Variants in DSCAML1 observed in about 807,000 individuals in gnomAD.
The protein encoded by DSCAML1 is cell adhesion molecule DSCAML1.
DSCAML1 carries 38 observed loss-of-function variants against 200.5 expected under a neutral mutation model. The ratio of observed to expected loss-of-function variants is 0.19; its 90% CI spans 0.15 to 0.25. DSCAML1 has a LOEUF of 0.25. Ranked by LOEUF, DSCAML1 falls within the 10% of genes least tolerant of loss-of-function variation. The pLI is 1.00. For synonymous variants in DSCAML1, 1,215 were observed against 1,165.0 expected (o/e 1.04, Z -0.87); for missense variants, 2,223 against 2,858.8 (o/e 0.78, Z 5.07).
At chr11:117,791,423 G>A (rs12795949) in intron 1 of DSCAML1, among the ~76,000 whole-genome samples, 23,588 of 152,240 alleles carry the variant, frequency 0.15, 2,009 homozygotes, top group Middle Eastern at 0.26. Context: ...AGGCTTTATG[G>A]CATGAACTCC....
chr11:117,459,217 G>GGC (rs2048431809), intron 18 of DSCAML1, among the ~76,000 whole-genome samples: 1 of 152,236 alleles, frequency 6.6e-6, no homozygotes, highest in African/African-American at 2.4e-5. Flanking sequence ...CATCTCTCCA[G>GGC]GCAACATTTC....
At chr11:117,769,515 TATA>T (rs2054995381) in intron 3 of DSCAML1, among the ~76,000 whole-genome samples, 1 of 83,164 alleles carries the variant, frequency 1.2e-5, no homozygotes, top group South Asian at 2.8e-4. Context: ...ATATTTTATA[TATA>T]TTATATATAT....
intron 1 of DSCAML1, among the ~76,000 whole-genome samples, chr11:117,792,549 T>C (rs2055489863): frequency 6.6e-6 from 1 of 150,712 alleles, no homozygotes; most frequent in South Asian, 2.1e-4. Context: ...AAGCTGGTGC[T>C]ATATCTTTCA....
At chr11:117,796,338 G>C (rs904967580) in intron 1 of DSCAML1, among the ~76,000 whole-genome samples, 2 of 152,262 alleles carry the variant, frequency 1.3e-5, no homozygotes, top group Non-Finnish European at 2.9e-5. Flanking sequence ...TCGCATCTTG[G>C]GGCGCGCTGC....
At chr11:117,583,632 C>G (rs1032082720) in intron 3 of DSCAML1, among the ~76,000 whole-genome samples, 4 of 152,214 alleles carry the variant, frequency 2.6e-5, no homozygotes, top group Admixed American at 2.6e-4. Flanking sequence ...GCCCTCCCCC[C>G]ATCAGCCCCG....
chr11:117,453,492 A>G (rs2048318281), intron 19 of DSCAML1, among the ~76,000 whole-genome samples: 1 of 152,188 alleles, frequency 6.6e-6, no homozygotes, highest in African/African-American at 2.4e-5. Flanking sequence ...CATCTTAATC[A>G]TGAAGAATAG....
Position 117,505,802 on chromosome 11 carries a change from C to T in DSCAML1, c.1784-70G>A, listed in dbSNP as rs2049485243. The T allele has an allele frequency of 6.5e-7, 1 of 1,528,918 alleles. No homozygotes were observed. 94.7% of individuals were successfully genotyped at this position (1,528,918 alleles called of 1,614,324 possible). On this transcript the variant is annotated intron_variant, in intron 8 of 32. Transcript: ENST00000651296. The surrounding 1 kb of genome is among the most constrained non-coding windows in gnomAD (Gnocchi z 6.7). ...CACCTGGCCGCCAACGCCGCCTCAC[C>T]TGCCTTACCTGGGGCTCTGGGTTGG...
intron 1 of DSCAML1, among the ~76,000 whole-genome samples, chr11:117,788,801 T>C (rs902721971): frequency 5.3e-5 from 8 of 152,230 alleles, no homozygotes; most frequent in Non-Finnish European, 1.0e-4. Flanking sequence ...GTTGCACAGT[T>C]CGCAGTGGCA....
chr11:117,543,833 G>A (rs2050319192), intron 3 of DSCAML1, among the ~76,000 whole-genome samples: 1 of 151,254 alleles, frequency 6.6e-6, no homozygotes, highest in Admixed American at 6.6e-5. Context: ...TTTTTTTAAA[G>A]ATCTTAATAC....
At chr11:117,746,204 AGAGC>A (rs2054514968) in intron 3 of DSCAML1, among the ~76,000 whole-genome samples, 1 of 129,066 alleles carries the variant, frequency 7.7e-6, no homozygotes, top group Non-Finnish European at 1.6e-5. Context: ...CCTGGGCATC[AGAGC>A]GAGACTCTGT....
intron 3 of DSCAML1, among the ~76,000 whole-genome samples, chr11:117,714,036 T>A (rs1427971870): frequency 1.3e-5 from 2 of 152,184 alleles, no homozygotes; most frequent in Non-Finnish European, 2.9e-5. Flanking sequence ...CTGGGCAAAT[T>A]AGTCAATCTT....
chr11:117,486,210 CCAAAATGGCGGATGG>C lies in DSCAML1; in HGVS notation c.2360-4063_2360-4049del, dbSNP rs1308189193. 2.0e-5 allele frequency among the ~76,000 whole-genome samples: 3 copies of C among 151,358 alleles called. 1 individual carries two copies. Among genetic ancestry groups the C allele is most frequent in the South Asian group, 4.1e-4 (2 of 4,824 alleles). On this transcript the variant is annotated intron_variant, in intron 11 of 32. Transcript: ENST00000651296. Reference sequence around the variant, plus strand: ...TAGCTAAACTGGGTCTGCTGAACTCCCAAAATGGCGGATGGGAAAGTGGCGGATGGGAAAGTGGCG... The same window carrying C: ...TAGCTAAACTGGGTCTGCTGAACTCCGAAAGTGGCGGATGGGAAAGTGGCG...
chr11:117,773,562 C>CAG (rs2055077921), intron 3 of DSCAML1, among the ~76,000 whole-genome samples: 1 of 149,076 alleles, frequency 6.7e-6, no homozygotes, highest in Non-Finnish European at 1.5e-5. Flanking sequence ...CACACACACA[C>CAG]AGCACAGCAC....
At chr11:117,658,373 T>G (rs898152587) in intron 3 of DSCAML1, among the ~76,000 whole-genome samples, 2 of 152,150 alleles carry the variant, frequency 1.3e-5, no homozygotes, top group Non-Finnish European at 2.9e-5. Context: ...ATCCACTTCT[T>G]TGGGACGATG....
At chr11:117,639,315 G>A (rs1192606858) in intron 3 of DSCAML1, among the ~76,000 whole-genome samples, 1 of 148,196 alleles carries the variant, frequency 6.7e-6, no homozygotes, top group Non-Finnish European at 1.5e-5. Context: ...TGGATGGGTA[G>A]GAGGCTGGAT....
At chr11:117,649,393 C>G (rs189796771) in intron 3 of DSCAML1, among the ~76,000 whole-genome samples, 88 of 152,204 alleles carry the variant, frequency 5.8e-4, no homozygotes, top group African/African-American at 2.0e-3. Flanking sequence ...TTTGCAGGCC[C>G]AAAGAGAAAG....
intron 3 of DSCAML1, among the ~76,000 whole-genome samples, chr11:117,609,349 C>T (rs1046983221): frequency 5.3e-5 from 8 of 149,926 alleles, no homozygotes; most frequent in African/African-American, 2.0e-4. Flanking sequence ...ACTTTGTTAC[C>T]CAGGCTGGAG....
At chr11:117,764,574 G>T (rs2054859347) in intron 3 of DSCAML1, among the ~76,000 whole-genome samples, 1 of 152,184 alleles carries the variant, frequency 6.6e-6, no homozygotes, top group Non-Finnish European at 1.5e-5. Context: ...ACGGATTGTT[G>T]CTTATGCCAA....
At chr11:117,602,746 C>T (rs1221036876) in intron 3 of DSCAML1, among the ~76,000 whole-genome samples, 1 of 152,112 alleles carries the variant, frequency 6.6e-6, no homozygotes, top group African/African-American at 2.4e-5. Context: ...TGATTGGTTG[C>T]CAGCCCCTCC....
Sources: gnomAD v4.1 joint callset for allele counts (sites outside exome capture counted in the v4.1 genomes callset) on GRCh38, gnomAD v4.1.1 for gene constraint, Gnocchi (gnomAD v3.1) non-coding constraint, MANE v1.5 for transcripts, NCBI Gene and HGNC (gene_info 2026-07-23, HGNC 2026-07-21) for gene names.